POLRMT: variants seen among roughly 807,000 people sequenced by gnomAD.
POLRMT encodes RNA polymerase mitochondrial, also known as DNA-directed RNA polymerase, mitochondrial.
A neutral mutation model predicts 132.2 loss-of-function variants in POLRMT; 114 were observed. The ratio of observed to expected loss-of-function variants is 0.86; its 90% CI spans 0.74 to 1.01. The LOEUF is 1.01. POLRMT is among the 50% of genes least tolerant of loss of function. The pLI is 0.00. For synonymous variants in POLRMT, 1,020 were observed against 773.4 expected, an observed-to-expected ratio of 1.32 and a Z score of -5.29; for missense variants, 2,003 against 1,729.1, an observed-to-expected ratio of 1.16 and a Z score of -2.81.
intron 5 of POLRMT, among the ~76,000 whole-genome samples, chr19:624,113 G>A (rs966514773): frequency 2.6e-5 from 4 of 152,208 alleles, no homozygotes; most frequent in East Asian, 1.9e-4. Flanking sequence ...AGACGGGCAC[G>A]GCGCGGCCAT....
intron 19 of POLRMT, 24 bp from the exon 20 acceptor site, chr19:617,504 T>A (rs765266196): frequency 6.4e-7 from 1 of 1,573,082 alleles, no homozygotes; most frequent in South Asian, 1.1e-5. Flanking sequence ...CAGGGTGGGG[T>A]GAGGCTGAGG....
At chr19:618,299 G>A (rs1406616853) in intron 17 of POLRMT, 189 bp downstream of exon 17, 4 of 583,542 alleles carry the variant, frequency 6.9e-6, no homozygotes, top group Non-Finnish European at 1.2e-5. Flanking sequence ...GCCACAGGAG[G>A]GGAGCTGCCA....
intron 4 of POLRMT, 74 bp from the exon 5 acceptor site, chr19:624,979 G>C (rs897840718): frequency 6.5e-7 from 1 of 1,539,144 alleles, no homozygotes. Flanking sequence ...GGGGAACCTC[G>C]TGACCACCTC....
Position 622,241 on chromosome 19 carries a change from T to G in POLRMT, c.1759A>C (p.Thr587Pro). The G allele has an allele frequency of 6.4e-7, 1 of 1,561,114 alleles. No homozygotes were observed. Among genetic ancestry groups the G allele is most frequent in the Non-Finnish European group, 8.7e-7 (1 of 1,154,944 alleles). Residue 587 changes from threonine (T) to proline (P), a missense_variant, in exon 9 of 21, where the codon ACG (threonine) becomes CCG (proline). Coordinates refer to ENST00000588649, the MANE Select transcript of POLRMT (RefSeq NM_005035.4). ...KLLAEMLVQA[T>P]QMPCSLDKPH... Reference sequence around the variant, plus strand: ...TTGTCCAGGCTGCATGGCATCTGCGTAGCCTGCACCAGCATCTCCGCCAGC... The same window carrying G: ...TTGTCCAGGCTGCATGGCATCTGCGGAGCCTGCACCAGCATCTCCGCCAGC...
At position 629,909 on chromosome 19, in the gene POLRMT, C is replaced by G. The variant is rs1248047837; in HGVS notation, c.453G>C (p.Gly151=). ...GGCGCCTGGTCAGCGCCTTGAACTC[C>G]CCGCTCTGGAATGGCATCTGCAGCT... The part of the protein sequence containing the change: ...KAKLQMPFQS[G]EFKALTRRLQ... The change falls in exon 3 of 21, where the codon GGG becomes GGC. Residue 151 remains glycine (G), a synonymous_variant. Transcript: ENST00000588649. 6 of 1,613,434 alleles carry G rather than the reference C, an allele frequency of 3.7e-6. No homozygotes were observed. The Admixed American group carries it at 6.7e-5, about 18-fold the overall frequency.
chr19:622,799 G>A lies in POLRMT; in HGVS notation c.1455+22C>T, dbSNP rs934574969. 4 of 1,573,936 alleles carry A rather than the reference G, an allele frequency of 2.5e-6. No homozygotes were observed. In the Admixed American group the frequency reaches 5.5e-5, roughly 22 times the overall value. On this transcript the variant is annotated intron_variant, in intron 7 of 20. Transcript: ENST00000588649. The stretch of plus-strand genomic sequence containing the variant: ...GCCTGCCCGCCCCGCCCGGGGACCC[G>A]GCCGCGCGGAGGAAGACGCACCTGC...
Position 618,540 on chromosome 19 carries a change from T to G in POLRMT, c.3370A>C (p.Ile1124Leu). The G allele has an allele frequency of 6.2e-7, 1 of 1,613,384 alleles. No homozygotes were observed. Residue 1124 changes from isoleucine to leucine, a missense_variant, in exon 17 of 21, where the codon ATC becomes CTC. By Grantham distance (5) the Ile-to-Leu change is conservative (BLOSUM62 2). Coordinates refer to ENST00000588649, the MANE Select transcript of POLRMT (RefSeq NM_005035.4). The part of the protein sequence containing the change: ...KQKNGFPPNF[I>L]HSLDSSHMML... ...ATGTGGGAGGAGTCCAGCGAGTGGA[T>G]GAAGTTGGGCGGGAAGCCGTTCTTC...
intron 11 of POLRMT, 76 bp from the exon 12 acceptor site, chr19:620,156 T>G (rs1984401936): frequency 2.6e-6 from 4 of 1,515,390 alleles, no homozygotes; most frequent in Non-Finnish European, 3.5e-6. Flanking sequence ...ACCCCCCAGG[T>G]CGAGCCGTTC....
intron 12 of POLRMT, 53 bp from the exon 13 acceptor site, chr19:619,818 G>A (rs1355829151): frequency 9.0e-6 from 14 of 1,549,798 alleles, no homozygotes; most frequent in East Asian, 2.3e-5. Flanking sequence ...CAGCCCAGGG[G>A]CCACCAAGCA....
At chr19:633,224 AACC>A (rs1985558194) in intron 1 of POLRMT, 198 bp downstream of exon 1, 2 of 660,496 alleles carry the variant, frequency 3.0e-6, no homozygotes, top group Non-Finnish European at 4.7e-6. Flanking sequence ...CTGCATAAGA[AACC>A]ACGAGTCAAA....
chr19:633,082 T>G, intron 1 of POLRMT, 144 bp from the exon 2 acceptor site: 1 of 667,826 alleles, frequency 1.5e-6, no homozygotes, highest in South Asian at 2.4e-5. Flanking sequence ...GGAAAGAAAC[T>G]AAGACAGCGA....
In POLRMT at chr19:629,606, C is replaced by T. The variant is rs1234672009; in HGVS notation, c.756G>A (p.Gln252=). Residue 252 remains glutamine, a synonymous_variant, in exon 3 of 21, where the codon CAG becomes CAA. Coordinates refer to ENST00000588649, the MANE Select transcript of POLRMT (RefSeq NM_005035.4). ...GCGTGAGCAGCTTCCGCTTCTGCCG[C>T]TGGCCGTGGTGGACGACCAGCAGGT... ...AHHLLVVHHG[Q]RQKRKLLTLD... 8 of 1,603,330 alleles carry T rather than the reference C, an allele frequency of 5.0e-6. No homozygotes were observed. Among genetic ancestry groups the T allele is most frequent in the Non-Finnish European group, 6.8e-6 (8 of 1,176,338 alleles).
chr19:619,526 C>A, intron 13 of POLRMT, 60 bp downstream of exon 13: 3 of 1,593,924 alleles, frequency 1.9e-6, no homozygotes, highest in Non-Finnish European at 1.7e-6. Flanking sequence ...GGGGCACACC[C>A]GTCTGAGTTT....
chr19:625,284 G>A, intron 3 of POLRMT, 30 bp from the exon 4 acceptor site: 2 of 1,612,210 alleles, frequency 1.2e-6, no homozygotes, highest in East Asian at 4.5e-5. Flanking sequence ...TGAGGGTCTG[G>A]GGGGATGGCC....
In POLRMT at chr19:619,303, A is replaced by G. The variant is rs199558227; in HGVS notation, c.3067-7T>C. ...AGGCCTCCCACACGAACTCCTGCAG[A>G]GGGCGGGCAGCAGGTGCAGGTCCTC... On this transcript the variant is annotated splice_region_variant and splice_polypyrimidine_tract_variant and intron_variant, in intron 13 of 20. Transcript: ENST00000588649. The G allele has an allele frequency of 2.5e-6, 4 of 1,607,704 alleles. No homozygotes were observed. The African/African-American group carries it at 4.1e-5, about 16-fold the overall frequency.
intron 3 of POLRMT, among the ~76,000 whole-genome samples, chr19:628,460 T>G (rs1985178258): frequency 6.6e-6 from 1 of 152,248 alleles, no homozygotes; most frequent in South Asian, 2.1e-4. Flanking sequence ...TGGCCCCACC[T>G]GATCCTGAAT....
chr19:620,237 G>A (rs1369129450), intron 11 of POLRMT, 128 bp downstream of exon 11: 7 of 1,452,960 alleles, frequency 4.8e-6, no homozygotes, highest in South Asian at 1.4e-5. Context: ...CAGGAGCCAT[G>A]GCTCCCGCAC....
At chr19:630,253 A>C in intron 2 of POLRMT, 85 bp from the exon 3 acceptor site, 3 of 1,469,682 alleles carry the variant, frequency 2.0e-6, no homozygotes, top group Non-Finnish European at 2.7e-6. Flanking sequence ...CCAGGCCAGG[A>C]GGTGCAGGTG....
At chr19:617,932 C>G in intron 17 of POLRMT, 83 bp from the exon 18 acceptor site, 1 of 1,342,142 alleles carries the variant, frequency 7.5e-7, no homozygotes, top group East Asian at 2.4e-5. Flanking sequence ...GCGCTCAGCC[C>G]CCTCCACTTG....
Sources: allele counts gnomAD v4.1 joint callset (sites outside exome capture counted in the v4.1 genomes callset), GRCh38; gene constraint gnomAD v4.1.1; transcripts MANE v1.5; gene names NCBI Gene and HGNC (gene_info 2026-07-23, HGNC 2026-07-21).